ATG7: variants seen among roughly 807,000 people sequenced by gnomAD.
ATG7 encodes the protein autophagy related 7, also known as ubiquitin-like modifier-activating enzyme ATG7.
Under a neutral mutation model 82.4 loss-of-function variants are expected in ATG7, and 70 were observed. The ratio of observed to expected loss-of-function variants is 0.85; its 90% CI spans 0.70 to 1.04. ATG7 has a LOEUF of 1.04. Ranked by LOEUF, ATG7 falls within the 50% of genes least tolerant of loss-of-function variation. ATG7 has a pLI of 0.00. For synonymous variants in ATG7, 287 were observed against 313.0 expected (o/e 0.92, Z 0.88); for missense variants, 792 against 864.3 (o/e 0.92, Z 1.05).
At chr3:11,353,524 A>G (rs2075717160) in intron 14 of ATG7, among the ~76,000 whole-genome samples, 1 of 152,214 alleles carries the variant, frequency 6.6e-6, no homozygotes, top group East Asian at 1.9e-4. Flanking sequence ...GTCCTCTCCA[A>G]ATCTCATGTT....
At chr3:11,385,048 T>G (rs910200336) in intron 19 of ATG7, among the ~76,000 whole-genome samples, 12 of 148,488 alleles carry the variant, frequency 8.1e-5, no homozygotes, top group Admixed American at 6.7e-5. Context: ...TTGTTTGTTT[T>G]GGGACGGAGT....
chr3:11,570,817 CG>C, the ATG7 span, among the ~76,000 whole-genome samples: 1 of 152,164 alleles, frequency 6.6e-6, no homozygotes, highest in South Asian at 2.1e-4. Flanking sequence ...TAAATGTCCC[CG>C]AGCTCATCCA....
At chr3:11,571,803 G>A in the ATG7 span, among the ~76,000 whole-genome samples, 1 of 152,120 alleles carries the variant, frequency 6.6e-6, no homozygotes, top group African/African-American at 2.4e-5. Flanking sequence ...GTGGCTTGCG[G>A]TCCCAGCGTG....
chr3:11,311,367 G>A (rs990722465), intron 7 of ATG7, among the ~76,000 whole-genome samples: 11 of 152,026 alleles, frequency 7.2e-5, no homozygotes, highest in Admixed American at 2.0e-4. Flanking sequence ...GATTTGGGAG[G>A]CCGAGGTAGG....
At position 11,339,781 on chromosome 3, in the gene ATG7, G is replaced by A. The variant is rs188608751; in HGVS notation, c.890-864G>A. 1.5e-3 allele frequency among the ~76,000 whole-genome samples: 221 copies of A among 152,320 alleles called. 6 individuals are homozygous for A. The highest frequency in any genetic ancestry group is 0.014 in the Admixed American group (220 of 15,306). On this transcript the variant is annotated intron_variant, in intron 11 of 20. Coordinates refer to ENST00000693202, the MANE Select transcript of ATG7 (RefSeq NM_001349232.2). Reference sequence around the variant, plus strand: ...AATGAAGGGAGATATGGAGAGCCACGTAAGTGTGGGAAACACAAAGCCAAA... The same window carrying A: ...AATGAAGGGAGATATGGAGAGCCACATAAGTGTGGGAAACACAAAGCCAAA...
intron 20 of ATG7, among the ~76,000 whole-genome samples, chr3:11,482,943 T>G (rs1207053554): frequency 6.6e-6 from 1 of 151,966 alleles, no homozygotes; most frequent in Non-Finnish European, 1.5e-5. Flanking sequence ...AAGCCCCCCC[T>G]TGAGCCCCTT....
chr3:11,380,921 G>A (rs1418996466), intron 19 of ATG7, among the ~76,000 whole-genome samples: 2 of 152,168 alleles, frequency 1.3e-5, no homozygotes, highest in East Asian at 1.9e-4. Flanking sequence ...TCTCTATTCT[G>A]AGTTGACAAG....
chr3:11,391,569 C>G (rs897334788), intron 19 of ATG7, among the ~76,000 whole-genome samples: 4 of 152,212 alleles, frequency 2.6e-5, no homozygotes, highest in African/African-American at 9.6e-5. Flanking sequence ...TGCCTGCCAG[C>G]ACAGCGGTTC....
At chr3:11,469,988 C>CAAAAAAAAAAAAAAA (rs10628540) in intron 20 of ATG7, among the ~76,000 whole-genome samples, 12 of 87,540 alleles carry the variant, frequency 1.4e-4, no homozygotes, top group African/African-American at 5.3e-4. Context: ...GACTCCATCT[C>CAAAAAAAAAAAAAAA]AAAAAAAAAA....
downstream of ATG7, among the ~76,000 whole-genome samples, chr3:11,562,210 G>A (rs535088121): frequency 6.6e-6 from 1 of 152,182 alleles, no homozygotes; most frequent in Admixed American, 6.5e-5. Context: ...AATGTGCGAA[G>A]CTTAACCCCA....
chr3:11,373,665 CTTT>C (rs1304801049), intron 18 of ATG7, among the ~76,000 whole-genome samples: 1 of 152,198 alleles, frequency 6.6e-6, no homozygotes, highest in Admixed American at 6.5e-5. Context: ...AAGGACAAAT[CTTT>C]TTAACTTCTT....
chr3:11,339,295 CAAAA>C lies in ATG7; in HGVS notation c.890-1335_890-1332del, dbSNP rs1036935586. Among the ~76,000 whole-genome samples, 75 of 89,692 alleles carry C rather than the reference CAAAA, an allele frequency of 8.4e-4. 1 individual carries two copies. The highest frequency in any genetic ancestry group is 3.1e-3 in the East Asian group (10 of 3,246). The allele number at this position is 89,692 out of a possible 152,430, so 58.8% of individuals were successfully genotyped here. A position where few individuals can be genotyped will look rare whatever the true frequency, so the allele number is the denominator to read the frequency against. On this transcript the variant is annotated intron_variant, in intron 11 of 20. Transcript: ENST00000693202. ...TGGGCGACAGAGCGAGACTCTGTTT[CAAAA>C]AAAAAAAAAAAAAAGAAAAGAAAAG...
intron 20 of ATG7, among the ~76,000 whole-genome samples, chr3:11,431,053 A>C (rs1397741035): frequency 2.6e-5 from 4 of 152,240 alleles, no homozygotes; most frequent in Non-Finnish European, 2.9e-5. Context: ...ACCTGAAGTC[A>C]ACATAATGTT....
At chr3:11,559,502 G>A (rs754177557), downstream of ATG7, 28 of 1,501,324 alleles carry the variant, frequency 1.9e-5, no homozygotes, top group East Asian at 9.9e-5. Flanking sequence ...CTTCAGTACC[G>A]GGCACCACCC....
intron 19 of ATG7, among the ~76,000 whole-genome samples, chr3:11,399,892 C>G (rs1013289817): frequency 3.3e-5 from 5 of 152,108 alleles, no homozygotes; most frequent in African/African-American, 1.2e-4. Context: ...TTTGTAGGGA[C>G]TTCGGATGTA....
chr3:11,554,914 T>G lies in ATG7; in HGVS notation c.*71T>G. On this transcript the variant is annotated 3_prime_UTR_variant, in exon 21 of 21. Coordinates refer to ENST00000693202, the MANE Select transcript of ATG7 (RefSeq NM_001349232.2). ...GAGCTCTCCATCGCCAGAGCAGGAC[T>G]GCTGACCCCAGGCCTGGTGATTCTG... The G allele has an allele frequency of 6.4e-7, 1 of 1,567,840 alleles. No individual in the cohort carries two copies. Among genetic ancestry groups the G allele is most frequent in the Non-Finnish European group, 8.7e-7 (1 of 1,154,968 alleles).
At chr3:11,449,057 C>G (rs559867257) in intron 20 of ATG7, among the ~76,000 whole-genome samples, 14 of 152,300 alleles carry the variant, frequency 9.2e-5, no homozygotes, top group Middle Eastern at 3.4e-3. Context: ...ATTGAACTTA[C>G]AAATGGGAGG....
At chr3:11,352,876 G>A (rs1413103453) in intron 14 of ATG7, among the ~76,000 whole-genome samples, 1 of 152,188 alleles carries the variant, frequency 6.6e-6, no homozygotes, top group African/African-American at 2.4e-5. Flanking sequence ...GGGAGGCAAG[G>A]ACCAGAGAGT....
chr3:11,334,951 C>T (rs1464311887), intron 11 of ATG7, among the ~76,000 whole-genome samples: 6 of 41,860 alleles, frequency 1.4e-4, no homozygotes, highest in Non-Finnish European at 2.5e-4. Flanking sequence ...AAGACTCTGT[C>T]TCAAAAAAAA....
Sources: allele counts gnomAD v4.1 joint callset (sites outside exome capture counted in the v4.1 genomes callset), GRCh38; gene constraint gnomAD v4.1.1; transcripts MANE v1.5; gene names NCBI Gene and HGNC (gene_info 2026-07-23, HGNC 2026-07-21).